DYNC2I2: variants seen among roughly 807,000 people sequenced by gnomAD.
DYNC2I2 encodes the protein dynein 2 intermediate chain 2, also known as cytoplasmic dynein 2 intermediate chain 2.
Under a neutral mutation model 52.0 loss-of-function variants are expected in DYNC2I2, and 39 were observed. That is an observed-to-expected ratio of 0.75 (90% CI 0.58 to 0.98). DYNC2I2 has a LOEUF of 0.98. Ranked by LOEUF, DYNC2I2 falls within the 50% of genes least tolerant of loss-of-function variation. The pLI, the probability that DYNC2I2 is intolerant of heterozygous loss-of-function variation, is 0.00. For missense variants in DYNC2I2, 743 were observed against 728.4 expected (o/e 1.02, Z -0.23); for synonymous variants, 359 against 321.1 (o/e 1.12, Z -1.26).
the DYNC2I2 span, among the ~76,000 whole-genome samples, chr9:128,678,448 A>ATTTTTTTTTTTTTTTTTTTTTT: frequency 1.6e-5 from 1 of 61,362 alleles, no homozygotes; most frequent in African/African-American, 7.8e-5. Context: ...ACCACAGGTA[A>ATTTTTTTTTTTTTTTTTTTTTT]TTTTTTTTTT....
At chr9:128,645,616 CAAAAAAAAAAA>C (rs59742854) in intron 1 of DYNC2I2, among the ~76,000 whole-genome samples, 7 of 63,926 alleles carry the variant, frequency 1.1e-4, no homozygotes, top group Non-Finnish European at 1.9e-4. Flanking sequence ...GACTCCATCT[CAAAAAAAAAAA>C]AAAAAAAAAA....
chr9:128,655,667 T>C (rs1446181981), intron 1 of DYNC2I2, among the ~76,000 whole-genome samples: 2 of 149,976 alleles, frequency 1.3e-5, no homozygotes, highest in Admixed American at 6.7e-5. Context: ...CCCAGCACTT[T>C]GGAAGGCCGA....
chr9:128,656,715 G>A lies in DYNC2I2; in HGVS notation c.12C>T (p.Arg4=), dbSNP rs1383535790. 1.4e-6 allele frequency: 2 copies of A among 1,427,152 alleles called. No individual in the cohort carries two copies. Among genetic ancestry groups the A allele is most frequent in the South Asian group, 1.5e-5 (1 of 65,718 alleles). 88.4% of individuals were successfully genotyped at this position (1,427,152 alleles called of 1,614,324 possible). A position where few individuals can be genotyped will look rare whatever the true frequency, so the allele number is the denominator to read the frequency against. Residue 4 remains arginine (R), a synonymous_variant, in exon 1 of 9, where the codon CGC becomes CGT. Transcript: ENST00000372715. MAT[R]AQPGPLSQAG... ...CCTGGCTGAGTGGCCCCGGCTGCGC[G>A]CGGGTTGCCATGGAGACGGTTCCGC...
In DYNC2I2 at chr9:128,634,273, C is replaced by T. The variant is rs1178462980; in HGVS notation, c.1325G>A (p.Arg442His). The T allele has an allele frequency of 1.2e-6, 2 of 1,613,892 alleles. No individual in the cohort carries two copies. Among genetic ancestry groups the T allele is most frequent in the Admixed American group, 1.7e-5 (1 of 60,020 alleles). The change falls in exon 8 of 9, where the codon CGC becomes CAC. Residue 442 changes from arginine to histidine, a missense_variant. Transcript: ENST00000372715. ...QLSLKYLFAV[R>H]WSPVRPLVFA... The stretch of plus-strand genomic sequence containing the variant: ...AACCAAGGGCCGCACTGGGGACCAG[C>T]GCACAGCAAACAGATACTTGAGGGA...
the DYNC2I2 span, among the ~76,000 whole-genome samples, chr9:128,667,874 A>T: frequency 7.1e-6 from 1 of 141,486 alleles, no homozygotes; most frequent in Non-Finnish European, 1.5e-5. Context: ...CTGGGACTAC[A>T]GGTGCGTGCC....
In DYNC2I2 at chr9:128,643,702, T is replaced by C. The variant is rs533468178; in HGVS notation, c.187-2763A>G. ...AGCAAGTAAAGCCCAAGACGACGTG[T>C]TGGACTCTGGGAATCGTGGAAAGAA... is the stretch of plus-strand genomic sequence containing the variant. On this transcript the variant is annotated intron_variant, in intron 1 of 8. Coordinates refer to ENST00000372715, the MANE Select transcript of DYNC2I2 (RefSeq NM_052844.4). 3.6e-4 allele frequency among the ~76,000 whole-genome samples: 55 copies of C among 152,138 alleles called. 1 individual carries two copies. Among genetic ancestry groups the C allele is most frequent in the African/African-American group, 1.3e-3 (53 of 41,510 alleles).
intron 1 of DYNC2I2, among the ~76,000 whole-genome samples, chr9:128,649,312 T>C (rs1006972860): frequency 1.3e-5 from 2 of 151,972 alleles, no homozygotes; most frequent in Non-Finnish European, 2.9e-5. Flanking sequence ...GGCGCGATGG[T>C]GTGCACCTGT....
chr9:128,647,201 T>C (rs1383614994), intron 1 of DYNC2I2, among the ~76,000 whole-genome samples: 1 of 152,234 alleles, frequency 6.6e-6, no homozygotes. Flanking sequence ...AAGCCACCAT[T>C]ACTCTTTGTG....
Position 128,640,837 on chromosome 9 carries a change from C to T in DYNC2I2, c.289G>A (p.Val97Met), listed in dbSNP as rs748058396. The change falls in exon 2 of 9, where the codon GTG (valine) becomes ATG (methionine). Residue 97 changes from valine to methionine, a missense_variant. Transcript: ENST00000372715. ...ATGTCATACTGGGACGGGGGCTGCA[C>T]GCTGACAGGCACGGGGGCCTCCGTC... is the stretch of plus-strand genomic sequence containing the variant. ...VQTEAPVPVSVQPPSQYDIPR... is the reference protein window; with the variant it reads ...VQTEAPVPVSMQPPSQYDIPR... 7.0e-5 allele frequency: 113 copies of T among 1,613,850 alleles called. No homozygotes were observed. Among genetic ancestry groups the T allele is most frequent in the Middle Eastern group, 1.6e-4 (1 of 6,084 alleles).
At chr9:128,682,011 G>A in the DYNC2I2 span, among the ~76,000 whole-genome samples, 1 of 152,150 alleles carries the variant, frequency 6.6e-6, no homozygotes, top group African/African-American at 2.4e-5. Flanking sequence ...GGTGGAGGTT[G>A]CAGTGAGCCA....
At chr9:128,635,491 G>A (rs1860384249) in intron 5 of DYNC2I2, 167 bp downstream of exon 5, 2 of 789,426 alleles carry the variant, frequency 2.5e-6, no homozygotes, top group South Asian at 1.8e-5. Flanking sequence ...ATGGCCACAG[G>A]GCCCTGGGAG....
In DYNC2I2 at chr9:128,635,712, C is replaced by T. The variant is rs376243587; in HGVS notation, c.759G>A (p.Pro253=). 13 of 1,612,992 alleles carry T rather than the reference C, an allele frequency of 8.1e-6. No homozygotes were observed. Among genetic ancestry groups the T allele is most frequent in the South Asian group, 3.3e-5 (3 of 90,870 alleles). ...CCGTCAGGCCTGTGCGCCACAGCAGCGGGTCCTCAAGACGGCTCAGGTCCC... is the reference window on the plus strand; with the variant it reads ...CCGTCAGGCCTGTGCGCCACAGCAGTGGGTCCTCAAGACGGCTCAGGTCCC... ...LVWDLSRLED[P]LLWRTGLTDD... Residue 253 remains proline, a synonymous_variant, in exon 5 of 9, where the codon CCG becomes CCA. Coordinates refer to ENST00000372715, the MANE Select transcript of DYNC2I2 (RefSeq NM_052844.4).
the DYNC2I2 span, among the ~76,000 whole-genome samples, chr9:128,666,971 G>C: frequency 1.3e-5 from 2 of 151,768 alleles, no homozygotes; most frequent in Non-Finnish European, 2.9e-5. Flanking sequence ...GAAGCAGAGG[G>C]GGGTGGATCA....
Position 128,656,627 on chromosome 9 carries a change from GCCCCGGC to G in DYNC2I2, c.93_99del (p.Pro32GlyfsTer90). 6.7e-7 allele frequency: 1 copy of G among 1,498,410 alleles called. No individual in the cohort carries two copies. The highest frequency in any genetic ancestry group is 8.8e-7 in the Non-Finnish European group (1 of 1,131,562). The allele number at this position is 1,498,410 out of a possible 1,614,324, so 92.8% of individuals were successfully genotyped here. A position where few individuals can be genotyped will look rare whatever the true frequency, so the allele number is the denominator to read the frequency against. On this transcript the variant is annotated frameshift_variant, in exon 1 of 9. Transcript: ENST00000372715. LOFTEE classifies it high-confidence loss of function. Reference sequence around the variant, plus strand: ...GTCTCGTCCTGCAGCGGCCCTGGCCGCCCCGGCCCCGGGCCGCTCGCAACCCCGACTG... The same window carrying G: ...GTCTCGTCCTGCAGCGGCCCTGGCCGCCCGGGCCGCTCGCAACCCCGACTG...
intron 1 of DYNC2I2, among the ~76,000 whole-genome samples, chr9:128,652,623 CAA>C (rs71381784): frequency 7.1e-6 from 1 of 140,462 alleles, no homozygotes; most frequent in Non-Finnish European, 1.5e-5. Flanking sequence ...AATTCCGTCT[CAA>C]AAAAAAAAAA....
chr9:128,640,543 C>A (rs1564341094), intron 2 of DYNC2I2, 148 bp downstream of exon 2: 1 of 1,284,760 alleles, frequency 7.8e-7, no homozygotes, highest in Non-Finnish European at 1.1e-6. Flanking sequence ...TCTTAGGGAA[C>A]CTAGCGCAGT....
At chr9:128,657,693 A>G (rs989915714), upstream of DYNC2I2, among the ~76,000 whole-genome samples, 28 of 152,070 alleles carry the variant, frequency 1.8e-4, no homozygotes, top group East Asian at 3.9e-4. Flanking sequence ...CTGTAGTCCC[A>G]CCTACTCGGC....
the DYNC2I2 span, among the ~76,000 whole-genome samples, chr9:128,671,343 C>A: frequency 1.3e-5 from 2 of 150,928 alleles, no homozygotes; most frequent in Admixed American, 1.3e-4. Flanking sequence ...GCTCTGTCAC[C>A]CAGGCTGCAG....
At chr9:128,675,099 C>T in the DYNC2I2 span, among the ~76,000 whole-genome samples, 1 of 152,128 alleles carries the variant, frequency 6.6e-6, no homozygotes, top group Non-Finnish European at 1.5e-5. Context: ...GCCAGAAAGA[C>T]AGGGGTTGGA....
Sources: allele counts gnomAD v4.1 joint callset (sites outside exome capture counted in the v4.1 genomes callset), GRCh38; gene constraint gnomAD v4.1.1; transcripts MANE v1.5; gene names NCBI Gene and HGNC (gene_info 2026-07-23, HGNC 2026-07-21).